Variants in GATB observed in about 807,000 individuals in gnomAD.
GATB encodes the protein glutamyl-tRNA amidotransferase subunit B, also known as glutamyl-tRNA(Gln) amidotransferase subunit B, mitochondrial.
A neutral mutation model predicts 62.3 loss-of-function variants in GATB; 39 were observed. The ratio of observed to expected loss-of-function variants is 0.63; its 90% CI spans 0.48 to 0.82. The LOEUF (loss-of-function observed/expected upper bound fraction) is 0.82. Ranked by LOEUF, GATB falls within the 40% of genes least tolerant of loss-of-function variation. The probability of loss-of-function intolerance (pLI) is 0.00; values close to 1 mark genes in which losing one functional copy is unlikely to be tolerated. For synonymous variants in GATB, 276 were observed against 258.9 expected, an observed-to-expected ratio of 1.07 and a Z score of -0.63; for missense variants, 670 against 684.0, an observed-to-expected ratio of 0.98 and a Z score of 0.23.
At chr4:151,722,974 G>A (rs970159722) in intron 2 of GATB, 2 of 152,198 alleles carry the variant, frequency 1.3e-5, no homozygotes, top group Non-Finnish European at 2.9e-5. Flanking sequence ...TGTGTGATAC[G>A]ATCAAGATGT....
At chr4:151,748,642 A>G (rs1334992277) in intron 2 of GATB, among the ~76,000 whole-genome samples, 2 of 152,230 alleles carry the variant, frequency 1.3e-5, no homozygotes, top group African/African-American at 4.8e-5. Context: ...CAATGGCAAC[A>G]AAAGCCAAAA....
chr4:151,694,054 G>A (rs897094495), intron 9 of GATB, among the ~76,000 whole-genome samples: 8 of 152,140 alleles, frequency 5.3e-5, no homozygotes, highest in African/African-American at 1.9e-4. Flanking sequence ...TTGTAGTCAC[G>A]TTCCAACGCA....
intron 2 of GATB, among the ~76,000 whole-genome samples, chr4:151,747,910 A>G (rs1325292220): frequency 6.6e-6 from 1 of 152,226 alleles, no homozygotes; most frequent in African/African-American, 2.4e-5. Context: ...CCAAAAGCAG[A>G]GTGAGATGTA....
intron 2 of GATB, 117 bp downstream of exon 2, chr4:151,758,655 T>C: frequency 1.2e-6 from 1 of 857,944 alleles, no homozygotes; most frequent in Non-Finnish European, 1.7e-6. Flanking sequence ...CACCCAAAAC[T>C]CCCTAAATAA....
At chr4:151,695,962 G>C (rs923253578) in intron 9 of GATB, among the ~76,000 whole-genome samples, 2 of 115,006 alleles carry the variant, frequency 1.7e-5, no homozygotes, top group African/African-American at 7.5e-5. Context: ...TGTAGAGATA[G>C]GGGTCTCACT....
intron 8 of GATB, chr4:151,703,544 G>A (rs1738648702): frequency 2.3e-6 from 1 of 434,968 alleles, no homozygotes; most frequent in African/African-American, 2.0e-5. Flanking sequence ...AACAGCCTAG[G>A]CCCCAACCTC....
At chr4:151,743,092 A>C (rs1578937015) in intron 2 of GATB, among the ~76,000 whole-genome samples, 1 of 152,258 alleles carries the variant, frequency 6.6e-6, no homozygotes, top group East Asian at 1.9e-4. Context: ...TATAAAGAAA[A>C]TTAGTGAACT....
At chr4:151,755,339 G>GTATTATGTATTA (rs548050710) in intron 2 of GATB, among the ~76,000 whole-genome samples, 103 of 152,244 alleles carry the variant, frequency 6.8e-4, no homozygotes, top group Middle Eastern at 6.8e-3. Context: ...TCATAATGTT[G>GTATTATGTATTA]TACTGTACTG....
intron 5 of GATB, among the ~76,000 whole-genome samples, chr4:151,715,439 T>G (rs571890698): frequency 6.6e-5 from 10 of 152,248 alleles, no homozygotes; most frequent in African/African-American, 2.2e-4. Flanking sequence ...TTACAAATGC[T>G]TATAATGTGT....
chr4:151,750,172 C>T (rs527937373), intron 2 of GATB, among the ~76,000 whole-genome samples: 1 of 152,318 alleles, frequency 6.6e-6, no homozygotes, highest in Non-Finnish European at 1.5e-5. Flanking sequence ...TGAGCCACCA[C>T]GCCCAGCCCC....
chr4:151,681,323 G>A (rs1170350742), intron 10 of GATB, among the ~76,000 whole-genome samples: 1 of 152,172 alleles, frequency 6.6e-6, no homozygotes, highest in Non-Finnish European at 1.5e-5. Flanking sequence ...ATGACTAAAA[G>A]GCAATTCCAA....
rs143734728 is a variant in GATB at position 151,713,877 on chromosome 4, C to T, written c.763+2132G>A. The stretch of plus-strand genomic sequence containing the variant: ...TCTGTCACTTCTTGTAAGCCTTAGG[C>T]AAATAACTCCCACCTCTCTAAGCCT... On this transcript the variant is annotated intron_variant, in intron 5 of 12. Transcript: ENST00000263985. Among the ~76,000 whole-genome samples, 447 of 152,276 alleles carry T rather than the reference C, an allele frequency of 2.9e-3. 3 individuals carry two copies. Among genetic ancestry groups the T allele is most frequent in the African/African-American group, 9.8e-3 (407 of 41,556 alleles).
At chr4:151,689,027 G>A (rs2126961184) in intron 9 of GATB, among the ~76,000 whole-genome samples, 1 of 152,264 alleles carries the variant, frequency 6.6e-6, no homozygotes, top group Middle Eastern at 3.4e-3. Flanking sequence ...CCAGAGGGAT[G>A]GTGAAATTCC....
At chr4:151,703,687 G>A (rs78889962) in intron 8 of GATB, 164 bp downstream of exon 8, 176 of 645,006 alleles carry the variant, frequency 2.7e-4, no homozygotes, top group African/African-American at 2.7e-3. Flanking sequence ...TACTTCTCTC[G>A]GTATGCATAT....
At chr4:151,704,689 G>A (rs62327348) in intron 7 of GATB, among the ~76,000 whole-genome samples, 2 of 151,338 alleles carry the variant, frequency 1.3e-5, no homozygotes, top group East Asian at 2.0e-4. Flanking sequence ...TCCTGACCTC[G>A]TGATCCGCCC....
intron 2 of GATB, among the ~76,000 whole-genome samples, chr4:151,753,872 A>T (rs1739769083): frequency 1.3e-5 from 2 of 152,162 alleles, no homozygotes; most frequent in African/African-American, 4.8e-5. Context: ...GTTGTCCTTC[A>T]TAGTAAAACT....
At chr4:151,688,858 CTCT>C (rs1160943067) in intron 9 of GATB, 95 bp from the exon 10 acceptor site, 1 of 1,239,146 alleles carries the variant, frequency 8.1e-7, no homozygotes, top group Non-Finnish European at 1.1e-6. Flanking sequence ...CCTCTGCCTC[CTCT>C]GAGACAGCCA....
chr4:151,679,531 A>T (rs1050727657), intron 11 of GATB, among the ~76,000 whole-genome samples: 2 of 152,214 alleles, frequency 1.3e-5, no homozygotes, highest in African/African-American at 4.8e-5. Flanking sequence ...CAGGTGTAAA[A>T]GGGCTACAGG....
rs749093966 is a variant in GATB at position 151,760,971 on chromosome 4, G to A, written c.12C>T (p.Pro4=). 1.1e-5 allele frequency: 17 copies of A among 1,610,658 alleles called. No individual in the cohort carries two copies. The highest frequency in any genetic ancestry group is 3.3e-5 in the South Asian group (3 of 90,606). ...TTCCACGGCAGCCCCAGCGCAGCAT[G>A]GGCGCCGCCATTGTAACTCCAGGGT... is the stretch of plus-strand genomic sequence containing the variant. MAA[P]MLRWGCRGRR... The change falls in exon 1 of 13, where the codon CCC becomes CCT. Residue 4 remains proline, a synonymous_variant. Coordinates refer to ENST00000263985, the MANE Select transcript of GATB (RefSeq NM_004564.3).
Sources: gnomAD v4.1 joint callset for allele counts (sites outside exome capture counted in the v4.1 genomes callset) on GRCh38, gnomAD v4.1.1 for gene constraint, MANE v1.5 for transcripts, NCBI Gene and HGNC (gene_info 2026-07-23, HGNC 2026-07-21) for gene names.